The following CLASP1 variants were observed in gnomAD, a reference collection of about 807,000 sequenced individuals.
CLASP1 encodes CLIP-associating protein 1.
In CLASP1, 38 loss-of-function variants were observed where a neutral mutation model predicts 192.3. That is an observed-to-expected ratio of 0.20 (90% CI 0.15 to 0.26). The LOEUF is 0.26. CLASP1 is among the 10% of genes least tolerant of loss of function. The pLI, the probability that CLASP1 is intolerant of heterozygous loss-of-function variation, is 1.00. For missense variants in CLASP1, 1,433 were observed against 1,932.5 expected (o/e 0.74, Z 4.85); for synonymous variants, 691 against 712.8 (o/e 0.97, Z 0.49).
chr2:121,630,189 G>A (rs902360087), intron 1 of CLASP1, among the ~76,000 whole-genome samples: 4 of 151,986 alleles, frequency 2.6e-5, no homozygotes, highest in African/African-American at 4.8e-5. Flanking sequence ...CAAACTGCTG[G>A]GATTACAGGC....
chr2:121,377,367 A>G (rs987127461), intron 34 of CLASP1, 132 bp downstream of exon 35: 4 of 686,454 alleles, frequency 5.8e-6, no homozygotes, highest in African/African-American at 3.6e-5. Flanking sequence ...CTAAAACTAA[A>G]AGGAAAACAT....
intron 1 of CLASP1, among the ~76,000 whole-genome samples, chr2:121,636,768 G>A (rs2070963349): frequency 1.3e-5 from 2 of 152,094 alleles, no homozygotes; most frequent in African/African-American, 4.8e-5. Context: ...CAAATACCAT[G>A]TGTCACACAC....
intron 34 of CLASP1, among the ~76,000 whole-genome samples, chr2:121,368,376 T>C (rs1354926140): frequency 6.6e-6 from 1 of 152,202 alleles, no homozygotes; most frequent in African/African-American, 2.4e-5. Flanking sequence ...AGGCATATCA[T>C]TCTTCTTTTA....
chr2:121,410,706 G>A, intron 24 of CLASP1, 160 bp downstream of exon 25: 2 of 549,182 alleles, frequency 3.6e-6, no homozygotes, highest in Non-Finnish European at 6.4e-6. Context: ...AGTTTAAGGG[G>A]CAAACAATAA....
intron 23 of CLASP1, among the ~76,000 whole-genome samples, chr2:121,417,423 A>G (rs1415376606): frequency 2.0e-5 from 3 of 151,738 alleles, no homozygotes; most frequent in African/African-American, 7.3e-5. Flanking sequence ...ATACAGCCTT[A>G]ATTTAAAAGG....
At chr2:121,342,278 T>C (rs1488081459) in intron 39 of CLASP1, among the ~76,000 whole-genome samples, 5 of 152,092 alleles carry the variant, frequency 3.3e-5, no homozygotes, top group African/African-American at 4.8e-5. Context: ...CACACCACCA[T>C]GCCCAGCTAA....
At chr2:121,595,671 A>G (rs1407225270) in intron 2 of CLASP1, among the ~76,000 whole-genome samples, 1 of 152,182 alleles carries the variant, frequency 6.6e-6, no homozygotes, top group East Asian at 1.9e-4. Flanking sequence ...CTGCTGCTCT[A>G]CTCAGGGACT....
chr2:121,440,600 G>A (rs1021679856), intron 19 of CLASP1, among the ~76,000 whole-genome samples: 3 of 152,212 alleles, frequency 2.0e-5, no homozygotes, highest in African/African-American at 7.2e-5. Context: ...GCTGAGGTGG[G>A]AGGATACTTG....
exon 10 of CLASP1, chr2:121,462,597 C>G: frequency 6.2e-7 from 1 of 1,600,416 alleles, no homozygotes; most frequent in African/African-American, 1.3e-5. Context: ...CCAGCTCCTT[C>G]TTTTGCAGCT....
At chr2:121,360,901 T>C (rs1019926067) in intron 37 of CLASP1, among the ~76,000 whole-genome samples, 13 of 152,136 alleles carry the variant, frequency 8.5e-5, no homozygotes, top group Admixed American at 2.0e-4. Flanking sequence ...TCTGCTCTTT[T>C]CCCTTGGGCA....
chr2:121,502,384 G>A (rs1461767370), intron 8 of CLASP1, among the ~76,000 whole-genome samples: 2 of 152,164 alleles, frequency 1.3e-5, no homozygotes, highest in African/African-American at 2.4e-5. Context: ...GGCACAGAGC[G>A]TTCCCTCAGA....
intron 37 of CLASP1, among the ~76,000 whole-genome samples, chr2:121,350,537 C>T (rs575786199): frequency 7.9e-5 from 12 of 152,272 alleles, no homozygotes; most frequent in Admixed American, 5.2e-4. Context: ...AGAAGACGCT[C>T]GGCTTCACCT....
chr2:121,364,848 G>A (rs1161431338), intron 36 of CLASP1: 1 of 521,106 alleles, frequency 1.9e-6, no homozygotes, highest in Non-Finnish European at 3.5e-6. Flanking sequence ...CAGGAATGAA[G>A]TTTCCTCAAC....
rs142379083 is a variant in CLASP1, at chr2:121,599,660, A to G, written c.195+6041T>C. Among the ~76,000 whole-genome samples the G allele has an allele frequency of 7.7e-3, 1,164 of 151,548 alleles. 16 individuals carry two copies. Among genetic ancestry groups the G allele is most frequent in the African/African-American group, 0.023 (963 of 41,278 alleles). On this transcript the variant is annotated intron_variant, in intron 2 of 39. Transcript: ENST00000263710. ...GTCAGGCATGGTGGCTCACGCCTGT[A>G]ATCCCAGCATTTTGAGAGGCCGAGG...
Position 121,392,652 on chromosome 2 carries a change from A to G in CLASP1, c.3123+4488T>C, listed in dbSNP as rs558230639. On this transcript the variant is annotated intron_variant, in intron 30 of 39. Coordinates refer to ENST00000263710, the Ensembl canonical transcript of CLASP1. ...GATTAAATTACTTGCTCTGACCCCA[A>G]TGAGTGGCAGAGGCAGATGTCAAAT... Among the ~76,000 whole-genome samples, 5 of 152,298 alleles carry G rather than the reference A, an allele frequency of 3.3e-5. No individual in the cohort carries two copies. The East Asian group carries it at 5.8e-4, about 18-fold the overall frequency.
intron 2 of CLASP1, among the ~76,000 whole-genome samples, chr2:121,568,954 T>C (rs1480544420): frequency 6.6e-6 from 1 of 152,120 alleles, no homozygotes; most frequent in Non-Finnish European, 1.5e-5. Context: ...TGGTGTCATA[T>C]ATCTGTTAAG....
At chr2:121,623,855 CAA>C (rs1394046031) in intron 1 of CLASP1, among the ~76,000 whole-genome samples, 1 of 152,136 alleles carries the variant, frequency 6.6e-6, no homozygotes, top group Admixed American at 6.5e-5. Context: ...CTGAAACAAA[CAA>C]AAGAGACCTT....
At chr2:121,572,128 A>G (rs2060031211) in intron 2 of CLASP1, among the ~76,000 whole-genome samples, 1 of 152,186 alleles carries the variant, frequency 6.6e-6, no homozygotes, top group Non-Finnish European at 1.5e-5. Context: ...ACAGGTAGAC[A>G]CTTCAGATAA....
intron 33 of CLASP1, among the ~76,000 whole-genome samples, chr2:121,379,164 T>C (rs536123783): frequency 2.2e-4 from 33 of 149,284 alleles, no homozygotes; most frequent in Non-Finnish European, 4.3e-4. Flanking sequence ...ATTGCAAATA[T>C]GGCCCAGATA....
Sources: gnomAD v4.1 joint callset for allele counts (sites outside exome capture counted in the v4.1 genomes callset) on GRCh38, gnomAD v4.1.1 for gene constraint, MANE v1.5 for transcripts, NCBI Gene and HGNC (gene_info 2026-07-23, HGNC 2026-07-21) for gene names.